The following MSI2 variants were observed in gnomAD, a reference collection of about 807,000 sequenced individuals.
The protein encoded by MSI2 is musashi RNA binding protein 2.
Under a neutral mutation model 45.6 loss-of-function variants are expected in MSI2, and 17 were observed. That is an observed-to-expected ratio of 0.37 (90% CI 0.26 to 0.56). The LOEUF is 0.56. Among genes scored for constraint, MSI2 ranks in the 20% least tolerant of loss-of-function variants. The probability of loss-of-function intolerance (pLI) is 0.77; values close to 1 mark genes in which losing one functional copy is unlikely to be tolerated. For missense variants in MSI2, 293 were observed against 444.2 expected (o/e 0.66, Z 3.06); for synonymous variants, 156 against 158.2 (o/e 0.99, Z 0.11).
At chr17:57,337,263 C>T (rs1914755783) in intron 5 of MSI2, among the ~76,000 whole-genome samples, 2 of 152,186 alleles carry the variant, frequency 1.3e-5, no homozygotes, top group African/African-American at 4.8e-5. Flanking sequence ...ACAAGAAAAC[C>T]CTTGTTTTCT....
intron 5 of MSI2, among the ~76,000 whole-genome samples, chr17:57,297,849 A>G (rs540792018): frequency 3.9e-5 from 6 of 152,216 alleles, no homozygotes; most frequent in Non-Finnish European, 8.8e-5. Context: ...TTGCTCATCC[A>G]TAAGAAGCAA....
At chr17:57,614,342 C>T (rs4793879) in intron 8 of MSI2, among the ~76,000 whole-genome samples, 63,588 of 151,810 alleles carry the variant, frequency 0.42, 14,016 homozygotes, top group Non-Finnish European at 0.49. Flanking sequence ...TGTGAGCCAC[C>T]ACGTCCGGCC....
chr17:57,431,485 A>G (rs1337604639), intron 6 of MSI2, among the ~76,000 whole-genome samples: 5 of 152,212 alleles, frequency 3.3e-5, no homozygotes, highest in African/African-American at 1.2e-4. Context: ...TGGGGGTCCC[A>G]AGGCCAGCTG....
chr17:57,594,953 G>A (rs1263927846), intron 7 of MSI2, among the ~76,000 whole-genome samples: 1 of 152,192 alleles, frequency 6.6e-6, no homozygotes, highest in Non-Finnish European at 1.5e-5. Context: ...CAAATGACAT[G>A]ATAAAGATCA....
intron 5 of MSI2, among the ~76,000 whole-genome samples, chr17:57,361,983 A>G (rs1019647159): frequency 6.6e-6 from 1 of 152,252 alleles, no homozygotes; most frequent in Non-Finnish European, 1.5e-5. Flanking sequence ...CAAAATCTAG[A>G]AAATACATAA....
intron 6 of MSI2, among the ~76,000 whole-genome samples, chr17:57,462,700 A>G (rs1310438648): frequency 6.6e-6 from 1 of 152,190 alleles, no homozygotes; most frequent in African/African-American, 2.4e-5. Flanking sequence ...AAGGCAATCC[A>G]TTTAGGTGAA....
rs1174961069 is a variant in MSI2 at position 57,652,250 on chromosome 17, T to C, written c.790+89T>C. On this transcript the variant is annotated intron_variant, in intron 11 of 13. Coordinates refer to ENST00000284073, the MANE Select transcript of MSI2 (RefSeq NM_138962.4). The surrounding 1 kb of genome is among the most constrained non-coding windows in gnomAD (Gnocchi z 4.1). Reference sequence around the variant, plus strand: ...GCCCTGTCGGATCTGTGTGGCTGCATCTGTCCAACACCACTCTCACCACAG... The same window carrying C: ...GCCCTGTCGGATCTGTGTGGCTGCACCTGTCCAACACCACTCTCACCACAG... 2 of 1,298,802 alleles carry C rather than the reference T, an allele frequency of 1.5e-6. No homozygotes were observed. Among genetic ancestry groups the C allele is most frequent in the Non-Finnish European group, 2.2e-6 (2 of 902,182 alleles). 80.5% of individuals were successfully genotyped at this position (1,298,802 alleles called of 1,614,324 possible). A position where few individuals can be genotyped will look rare whatever the true frequency, so the allele number is the denominator to read the frequency against.
intron 5 of MSI2, among the ~76,000 whole-genome samples, chr17:57,312,469 G>C (rs1912479563): frequency 6.6e-6 from 1 of 152,152 alleles, no homozygotes; most frequent in Non-Finnish European, 1.5e-5. Context: ...GCCTCCCCTG[G>C]GGAGGTGCCT....
intron 6 of MSI2, among the ~76,000 whole-genome samples, chr17:57,469,641 C>G (rs1225393311): frequency 6.6e-6 from 1 of 152,182 alleles, no homozygotes; most frequent in East Asian, 1.9e-4. Flanking sequence ...CCTCCTCTAT[C>G]CAGAGCATGG....
intron 7 of MSI2, among the ~76,000 whole-genome samples, chr17:57,591,057 TC>T (rs1904784487): frequency 6.6e-6 from 1 of 152,174 alleles, no homozygotes; most frequent in Non-Finnish European, 1.5e-5. Flanking sequence ...TGGAGCAGGA[TC>T]CCTGCTTCTG....
intron 6 of MSI2, among the ~76,000 whole-genome samples, chr17:57,483,152 A>G (rs2085681616): frequency 6.6e-6 from 1 of 152,186 alleles, no homozygotes; most frequent in South Asian, 2.1e-4. Context: ...GGTAGATGCT[A>G]TTATCCCTCT....
chr17:57,580,645 T>C (rs1272390829), intron 7 of MSI2, among the ~76,000 whole-genome samples: 1 of 152,176 alleles, frequency 6.6e-6, no homozygotes, highest in Non-Finnish European at 1.5e-5. Context: ...AGACATTTAG[T>C]CCATTTCATG....
At chr17:57,415,950 A>G (rs1229584836) in intron 6 of MSI2, among the ~76,000 whole-genome samples, 1 of 152,224 alleles carries the variant, frequency 6.6e-6, no homozygotes, top group Admixed American at 6.5e-5. Flanking sequence ...CTCTTATGCT[A>G]ATGAAGTGAA....
At chr17:57,324,325 G>T (rs1468046736) in intron 5 of MSI2, among the ~76,000 whole-genome samples, 1 of 152,172 alleles carries the variant, frequency 6.6e-6, no homozygotes, top group Non-Finnish European at 1.5e-5. Context: ...TACCGCATGA[G>T]GTGGCTGCAC....
chr17:57,626,213 G>A (rs1002716507), intron 9 of MSI2: 1 of 152,286 alleles, frequency 6.6e-6, no homozygotes, highest in Admixed American at 6.5e-5. Context: ...TCACGTTCTC[G>A]GTGGTTGGGT....
chr17:57,314,661 T>A (rs970402752), intron 5 of MSI2, among the ~76,000 whole-genome samples: 3 of 131,790 alleles, frequency 2.3e-5, no homozygotes, highest in African/African-American at 8.6e-5. Flanking sequence ...AACCTCCCAC[T>A]CCCTGGTTCA....
intron 5 of MSI2, among the ~76,000 whole-genome samples, chr17:57,328,610 T>A (rs960902626): frequency 7.9e-5 from 12 of 152,228 alleles, no homozygotes; most frequent in Non-Finnish European, 1.6e-4. Flanking sequence ...ACAGCAACAT[T>A]TTCAATGGCA....
At chr17:57,285,894 G>A (rs1339471789) in intron 5 of MSI2, 2 of 1,531,414 alleles carry the variant, frequency 1.3e-6, no homozygotes, top group Admixed American at 4.0e-5. Flanking sequence ...ATGATGAGGG[G>A]TTATATTAAG....
intron 10 of MSI2, among the ~76,000 whole-genome samples, chr17:57,641,860 G>A (rs1910289463): frequency 6.6e-6 from 1 of 152,186 alleles, no homozygotes; most frequent in African/African-American, 2.4e-5. Context: ...CAGGCTGCTG[G>A]CACAGGGTAG....
Sources: gnomAD v4.1 joint callset for allele counts (sites outside exome capture counted in the v4.1 genomes callset) on GRCh38, gnomAD v4.1.1 for gene constraint, Gnocchi (gnomAD v3.1) non-coding constraint, MANE v1.5 for transcripts, NCBI Gene and HGNC (gene_info 2026-07-23, HGNC 2026-07-21) for gene names.